The following SCN1A variants were observed in gnomAD, a reference collection of about 807,000 sequenced individuals.
The protein encoded by SCN1A is sodium voltage-gated channel alpha subunit 1.
In SCN1A, 13 loss-of-function variants were observed where a neutral mutation model predicts 193.7. The ratio of observed to expected loss-of-function variants is 0.07; its 90% CI spans 0.04 to 0.11. The LOEUF (loss-of-function observed/expected upper bound fraction) is 0.11, where lower values mean the gene tolerates loss of function less well. Ranked by LOEUF, SCN1A falls within the 10% of genes least tolerant of loss-of-function variation. The probability of loss-of-function intolerance (pLI) is 1.00; values close to 1 mark genes in which losing one functional copy is unlikely to be tolerated. For synonymous variants in SCN1A, 781 were observed against 843.6 expected (o/e 0.93, Z 1.29); for missense variants, 1,432 against 2,451.1 (o/e 0.58, Z 8.78).
At chr2:166,103,245 G>A (rs1406135448) in intron 2 of SCN1A, among the ~76,000 whole-genome samples, 1 of 152,048 alleles carries the variant, frequency 6.6e-6, no homozygotes, top group Non-Finnish European at 1.5e-5. Context: ...GAGGCCAGGA[G>A]CTCAAGACCA....
At chr2:166,029,611 T>C (rs534971430) in intron 19 of SCN1A, among the ~76,000 whole-genome samples, 19 of 152,240 alleles carry the variant, frequency 1.2e-4, no homozygotes, top group African/African-American at 4.3e-4. Context: ...AGATTTAAAA[T>C]GCATATATAT....
At chr2:166,089,586 G>A (rs1686545228) in intron 2 of SCN1A, among the ~76,000 whole-genome samples, 1 of 152,036 alleles carries the variant, frequency 6.6e-6, no homozygotes, top group South Asian at 2.1e-4. Flanking sequence ...TAGGGGATGG[G>A]GCTGGCTGGG....
chr2:166,052,625 A>AAC (rs1553550373), intron 8 of SCN1A, among the ~76,000 whole-genome samples: 20 of 151,032 alleles, frequency 1.3e-4, no homozygotes, highest in Admixed American at 4.0e-4. Context: ...AAAAAAAAAA[A>AAC]CCCATGATAT....
chr2:166,028,991 G>A (rs1300321667), intron 19 of SCN1A, among the ~76,000 whole-genome samples: 2 of 152,094 alleles, frequency 1.3e-5, no homozygotes, highest in African/African-American at 4.8e-5. Flanking sequence ...GATGAGTCAG[G>A]TGAAGCAGGA....
At chr2:166,092,334 T>C (rs1686894984) in intron 2 of SCN1A, among the ~76,000 whole-genome samples, 1 of 152,152 alleles carries the variant, frequency 6.6e-6, no homozygotes, top group African/African-American at 2.4e-5. Context: ...GTAGCACTCA[T>C]AGTTAATGAA....
chr2:165,994,049 A>T, intron 28 of SCN1A, 97 bp downstream of exon 28: 1 of 989,280 alleles, frequency 1.0e-6, no homozygotes, highest in South Asian at 1.5e-5. Context: ...ATTTACAGTG[A>T]TTATCTCTGA....
intron 2 of SCN1A, chr2:166,081,682 ATGTCTTGAG>A (rs1312161286): frequency 6.6e-5 from 10 of 151,720 alleles, no homozygotes; most frequent in Admixed American, 2.0e-4. Flanking sequence ...AACTAAGGTA[ATGTCTTGAG>A]ATTTTTTGGT....
Position 165,992,301 on chromosome 2 carries a change from C to G in SCN1A, c.4974G>C (p.Thr1658=), listed in dbSNP as rs755132960. The G allele has an allele frequency of 1.2e-6, 2 of 1,613,718 alleles. No individual in the cohort carries two copies. Among genetic ancestry groups the G allele is most frequent in the South Asian group, 1.1e-5 (1 of 91,074 alleles). The part of the protein sequence containing the change: ...RLIKGAKGIR[T]LLFALMMSLP... ...GGGACATCATCAAAGCAAAGAGCAG[C>G]GTGCGGATCCCCTTTGCTCCTTTGA... Residue 1658 remains threonine, a synonymous_variant, in exon 29 of 29, where the codon ACG becomes ACC. Transcript: ENST00000674923. The surrounding 1 kb of genome is among the most constrained non-coding windows in gnomAD (Gnocchi z 6.5).
At chr2:166,045,476 AG>A in intron 12 of SCN1A, 149 bp from the exon 13 acceptor site, 1 of 877,888 alleles carries the variant, frequency 1.1e-6, no homozygotes, top group Non-Finnish European at 1.6e-6. Context: ...GTATAAGAGG[AG>A]ATTTTTTTTT....
chr2:165,994,134 AAT>A lies in SCN1A; in HGVS notation c.4852+10_4852+11del. On this transcript the variant is annotated intron_variant, in intron 28 of 28. Coordinates refer to ENST00000674923, the MANE Select transcript of SCN1A (RefSeq NM_001165963.4). ...TATTTAACTGAATTTAAGAACTTTA[AAT>A]ATTTCTTACCTACAATGGAGAGAAT... 1 of 1,588,264 alleles carries A rather than the reference AAT, an allele frequency of 6.3e-7. No individual in the cohort carries two copies. Among genetic ancestry groups the A allele is most frequent in the Non-Finnish European group, 8.6e-7 (1 of 1,160,408 alleles).
intron 27 of SCN1A, 111 bp from the exon 28 acceptor site, chr2:165,994,527 G>C: frequency 1.0e-6 from 1 of 955,126 alleles, no homozygotes; most frequent in Non-Finnish European, 1.6e-6. Context: ...GTAGTCATTG[G>C]CCCTGATTTT....
At chr2:166,008,336 G>T (rs985983766) in intron 23 of SCN1A, among the ~76,000 whole-genome samples, 1 of 151,068 alleles carries the variant, frequency 6.6e-6, no homozygotes, top group Non-Finnish European at 1.5e-5. Flanking sequence ...ATTTTCAAAT[G>T]TTTAGCATTG....
chr2:166,135,572 G>A (rs1691825172), intron 1 of SCN1A, among the ~76,000 whole-genome samples: 1 of 152,136 alleles, frequency 6.6e-6, no homozygotes, highest in Non-Finnish European at 1.5e-5. Flanking sequence ...CCAATCTTCG[G>A]ATATCAATTT....
At chr2:166,074,681 T>C (rs73969792) in intron 3 of SCN1A, among the ~76,000 whole-genome samples, 11,695 of 152,192 alleles carry the variant, frequency 0.077, 1,220 homozygotes, top group African/African-American at 0.24. Context: ...TGAGCCAAAA[T>C]ATTCCAGAGC....
intron 2 of SCN1A, among the ~76,000 whole-genome samples, chr2:166,082,182 C>G (rs1162168576): frequency 6.6e-6 from 1 of 151,874 alleles, no homozygotes; most frequent in Non-Finnish European, 1.5e-5. Flanking sequence ...TTAGTCTATT[C>G]CTCTCATTTA....
intron 2 of SCN1A, among the ~76,000 whole-genome samples, chr2:166,099,468 C>T (rs1313293539): frequency 6.7e-6 from 1 of 148,896 alleles, no homozygotes. Context: ...GGGATGCCCT[C>T]TCTCACCACT....
chr2:166,067,814 C>T (rs2105956218), intron 4 of SCN1A, among the ~76,000 whole-genome samples: 1 of 151,440 alleles, frequency 6.6e-6, no homozygotes, highest in Non-Finnish European at 1.5e-5. Context: ...GGAGCTGACC[C>T]ACCCCTTGGC....
intron 9 of SCN1A, among the ~76,000 whole-genome samples, chr2:166,050,613 GTATATATATATA>G (rs368513344): frequency 6.1e-5 from 4 of 65,382 alleles, no homozygotes; most frequent in Admixed American, 2.0e-4. Flanking sequence ...ATTAAAAAAA[GTATATATATATA>G]TATATATATA....
chr2:166,084,100 A>G (rs1685825566), intron 2 of SCN1A, among the ~76,000 whole-genome samples: 2 of 152,070 alleles, frequency 1.3e-5, no homozygotes, highest in Admixed American at 1.3e-4. Context: ...CAAGTTGTAT[A>G]TGGCAGGTTT....
Sources: gnomAD v4.1 joint callset for allele counts (sites outside exome capture counted in the v4.1 genomes callset) on GRCh38, gnomAD v4.1.1 for gene constraint, Gnocchi (gnomAD v3.1) non-coding constraint, MANE v1.5 for transcripts, NCBI Gene and HGNC (gene_info 2026-07-23, HGNC 2026-07-21) for gene names.